PBX4: variants seen among roughly 807,000 people sequenced by gnomAD.
PBX4 encodes the protein pre-B-cell leukemia transcription factor 4.
In PBX4, 26 loss-of-function variants were observed where a neutral mutation model predicts 35.1. The observed-to-expected ratio is 0.74, with a 90% CI of 0.54 to 1.03. The LOEUF (loss-of-function observed/expected upper bound fraction) is 1.03, where lower values mean the gene tolerates loss of function less well. Ranked by LOEUF, PBX4 falls within the 50% of genes least tolerant of loss-of-function variation. The pLI is 0.00. For synonymous variants in PBX4, 199 were observed against 204.2 expected, an observed-to-expected ratio of 0.97 and a Z score of 0.22; for missense variants, 448 against 504.3, an observed-to-expected ratio of 0.89 and a Z score of 1.07.
At chr19:19,589,754 A>C (rs2061515073) in intron 2 of PBX4, among the ~76,000 whole-genome samples, 1 of 152,160 alleles carries the variant, frequency 6.6e-6, no homozygotes, top group South Asian at 2.1e-4. Flanking sequence ...TGGGTGACAG[A>C]GCGAGACTCC....
intron 1 of PBX4, among the ~76,000 whole-genome samples, chr19:19,617,405 AG>A (rs1479201323): frequency 7.2e-5 from 11 of 152,106 alleles, no homozygotes; most frequent in African/African-American, 2.4e-4. Flanking sequence ...CAGCCTCCTA[AG>A]TAGCTGGGAC....
intron 2 of PBX4, 158 bp from the exon 3 acceptor site, chr19:19,570,991 C>T (rs527706603): frequency 3.3e-6 from 3 of 918,900 alleles, no homozygotes; most frequent in Admixed American, 2.7e-5. Context: ...ATGATGGACA[C>T]TGAGCACCCC....
In PBX4 at chr19:19,618,523, T is replaced by A; in HGVS notation, c.107A>T (p.Glu36Val). 6.8e-7 allele frequency: 1 copy of A among 1,479,060 alleles called. No homozygotes were observed. The highest frequency in any genetic ancestry group is 9.0e-7 in the Non-Finnish European group (1 of 1,110,494). The allele number at this position is 1,479,060 out of a possible 1,614,324, so 91.6% of individuals were successfully genotyped here. ...CCGCGGGCAGCACCTGGCCTGTGCC[T>A]CGTCCAGGCTCTGGTCGGTGATGGC... ...IMAITDQSLDEAQARKHALNC... is the reference protein window; with the variant it reads ...IMAITDQSLDVAQARKHALNC... Residue 36 changes from glutamate (E) to valine (V), a missense_variant, in exon 1 of 8, where the codon GAG becomes GTG. Glu to Val is a moderately radical substitution (Grantham distance 121). Transcript: ENST00000251203.
intron 2 of PBX4, among the ~76,000 whole-genome samples, chr19:19,576,593 C>T (rs1374326421): frequency 6.6e-6 from 1 of 151,972 alleles, no homozygotes; most frequent in African/African-American, 2.4e-5. Flanking sequence ...CATCACAAGC[C>T]AGGTACCACA....
intron 2 of PBX4, among the ~76,000 whole-genome samples, chr19:19,574,639 CTT>C (rs879629375): frequency 1.4e-5 from 2 of 143,688 alleles, no homozygotes; most frequent in Admixed American, 7.0e-5. Context: ...TTTTTTTTTC[CTT>C]TTTTTTTTTT....
chr19:19,599,747 C>T (rs549354893), intron 1 of PBX4, among the ~76,000 whole-genome samples: 1 of 148,482 alleles, frequency 6.7e-6, no homozygotes, highest in Non-Finnish European at 1.5e-5. Context: ...CCAAGGCAGG[C>T]GGATTGCCTG....
chr19:19,585,135 G>C (rs2061481049), intron 2 of PBX4, among the ~76,000 whole-genome samples: 1 of 151,624 alleles, frequency 6.6e-6, no homozygotes, highest in Non-Finnish European at 1.5e-5. Context: ...AGACCAGCCT[G>C]GCCAACATGG....
chr19:19,573,545 C>T (rs1047299135), intron 2 of PBX4, among the ~76,000 whole-genome samples: 1 of 152,098 alleles, frequency 6.6e-6, no homozygotes, highest in Non-Finnish European at 1.5e-5. Flanking sequence ...AACCACAAGT[C>T]TCCAGTACCC....
intron 5 of PBX4, among the ~76,000 whole-genome samples, chr19:19,565,926 T>C (rs983885422): frequency 1.3e-5 from 2 of 151,612 alleles, no homozygotes; most frequent in South Asian, 2.1e-4. Flanking sequence ...GAAAAAAAAA[T>C]ATATTTTTTC....
intron 1 of PBX4, among the ~76,000 whole-genome samples, chr19:19,611,404 G>A (rs2061661934): frequency 6.6e-6 from 1 of 152,094 alleles, no homozygotes; most frequent in Non-Finnish European, 1.5e-5. Context: ...GAGAAGGCCG[G>A]GCATGGTGGC....
chr19:19,596,327 T>G (rs1336887815), intron 2 of PBX4, among the ~76,000 whole-genome samples: 1 of 151,692 alleles, frequency 6.6e-6, no homozygotes, highest in Non-Finnish European at 1.5e-5. Flanking sequence ...AGGCTGAGAT[T>G]GCACCACTGC....
At chr19:19,600,723 A>G (rs2061592268) in intron 1 of PBX4, among the ~76,000 whole-genome samples, 1 of 151,162 alleles carries the variant, frequency 6.6e-6, no homozygotes, top group African/African-American at 2.4e-5. Context: ...AGGCTGACAC[A>G]GGAGAATTGC....
At chr19:19,567,321 T>C (rs1233252907) in intron 5 of PBX4, among the ~76,000 whole-genome samples, 1 of 152,220 alleles carries the variant, frequency 6.6e-6, no homozygotes, top group Non-Finnish European at 1.5e-5. Context: ...CAAAGTCATA[T>C]GTGACTATGA....
intron 5 of PBX4, among the ~76,000 whole-genome samples, chr19:19,567,011 C>T (rs2061346479): frequency 1.3e-5 from 2 of 152,132 alleles, no homozygotes; most frequent in South Asian, 4.1e-4. Flanking sequence ...GCCTGGCCAA[C>T]ATTTGGTGTA....
chr19:19,585,644 A>T (rs1416736975), intron 2 of PBX4, among the ~76,000 whole-genome samples: 1 of 152,244 alleles, frequency 6.6e-6, no homozygotes, highest in African/African-American at 2.4e-5. Flanking sequence ...AAAAGAAGTG[A>T]AAATAGCCTT....
chr19:19,617,503 C>T (rs565473589), intron 1 of PBX4, among the ~76,000 whole-genome samples: 9 of 152,052 alleles, frequency 5.9e-5, no homozygotes, highest in East Asian at 1.9e-4. Context: ...AGGTTGGTCT[C>T]GAACTCCTGA....
intron 1 of PBX4, 148 bp downstream of exon 1, chr19:19,618,363 G>C: frequency 1.5e-6 from 1 of 667,928 alleles, no homozygotes; most frequent in Non-Finnish European, 2.1e-6. Context: ...CGTTCCGTTT[G>C]AACCCCATAC....
intron 2 of PBX4, among the ~76,000 whole-genome samples, chr19:19,591,897 G>T (rs930250552): frequency 1.3e-5 from 2 of 152,154 alleles, no homozygotes; most frequent in African/African-American, 4.8e-5. Context: ...GTCTCACTTT[G>T]TCGCCCAAGC....
intron 4 of PBX4, 95 bp downstream of exon 4, chr19:19,570,014 C>G: frequency 7.5e-7 from 1 of 1,331,216 alleles, no homozygotes; most frequent in Non-Finnish European, 1.0e-6. Context: ...ACTGCAGACA[C>G]AGCCTCCAGG....
Sources: gnomAD v4.1 joint callset for allele counts (sites outside exome capture counted in the v4.1 genomes callset) on GRCh38, gnomAD v4.1.1 for gene constraint, MANE v1.5 for transcripts, NCBI Gene and HGNC (gene_info 2026-07-23, HGNC 2026-07-21) for gene names.